INSYN2A: variants seen among roughly 807,000 people sequenced by gnomAD.
INSYN2A encodes the protein inhibitory synaptic factor 2A.
In INSYN2A, 17 loss-of-function variants were observed where a neutral mutation model predicts 39.4. The observed-to-expected ratio is 0.43, with a 90% CI of 0.30 to 0.65. The LOEUF (loss-of-function observed/expected upper bound fraction) is 0.65. INSYN2A is among the 30% of genes least tolerant of loss of function. The probability of loss-of-function intolerance (pLI) is 0.14; values close to 1 mark genes in which losing one functional copy is unlikely to be tolerated. For missense variants in INSYN2A, 595 were observed against 631.2 expected (o/e 0.94, Z 0.61); for synonymous variants, 255 against 265.7 (o/e 0.96, Z 0.39).
chr10:127,162,579 A>C (rs1484461219), intron 4 of INSYN2A, among the ~76,000 whole-genome samples: 1 of 152,160 alleles, frequency 6.6e-6, no homozygotes, highest in Non-Finnish European at 1.5e-5. Flanking sequence ...AATCACACAC[A>C]TCCCATTCCC....
chr10:127,154,252 C>G (rs1564847106), intron 4 of INSYN2A, among the ~76,000 whole-genome samples: 1 of 152,176 alleles, frequency 6.6e-6, no homozygotes, highest in Non-Finnish European at 1.5e-5. Context: ...TGAGGAAAAA[C>G]CAACCACATA....
chr10:127,194,985 C>T (rs1337752302), intron 1 of INSYN2A, among the ~76,000 whole-genome samples: 1 of 111,348 alleles, frequency 9.0e-6, no homozygotes, highest in Non-Finnish European at 1.9e-5. Flanking sequence ...GGGGTCCGGG[C>T]GGGAGCCCTG....
chr10:127,185,793 G>A (rs563861165), intron 2 of INSYN2A, among the ~76,000 whole-genome samples: 7 of 152,220 alleles, frequency 4.6e-5, no homozygotes, highest in South Asian at 2.1e-4. Context: ...AAATGTTTCC[G>A]GTGCTGATGG....
intron 2 of INSYN2A, among the ~76,000 whole-genome samples, chr10:127,181,508 G>A (rs1438273428): frequency 2.6e-5 from 4 of 152,156 alleles, no homozygotes; most frequent in African/African-American, 9.7e-5. Context: ...AGCAGTCTCC[G>A]CATATAGTAA....
At chr10:127,150,503 C>G (rs764947223) in intron 5 of INSYN2A, among the ~76,000 whole-genome samples, 1 of 152,208 alleles carries the variant, frequency 6.6e-6, no homozygotes, top group Non-Finnish European at 1.5e-5. Flanking sequence ...CCTGTCCTTT[C>G]ACGACATAAG....
chr10:127,153,734 C>A, intron 5 of INSYN2A, 118 bp downstream of exon 5: 2 of 759,448 alleles, frequency 2.6e-6, no homozygotes, highest in South Asian at 1.7e-5. Context: ...AAGTAAGGTC[C>A]TTCACTTTTT....
chr10:127,165,540 A>G (rs893597760), intron 4 of INSYN2A, among the ~76,000 whole-genome samples: 1 of 152,086 alleles, frequency 6.6e-6, no homozygotes, highest in Non-Finnish European at 1.5e-5. Flanking sequence ...CAGGATCTCA[A>G]TTTTCATGAA....
At chr10:127,184,356 T>A (rs184881082) in intron 2 of INSYN2A, among the ~76,000 whole-genome samples, 2 of 122,308 alleles carry the variant, frequency 1.6e-5, no homozygotes, top group Non-Finnish European at 3.2e-5. Context: ...CACCATGCCC[T>A]ATTCGTTTTT....
intron 5 of INSYN2A, among the ~76,000 whole-genome samples, chr10:127,140,828 G>A (rs2051169268): frequency 6.6e-6 from 1 of 152,206 alleles, no homozygotes; most frequent in Non-Finnish European, 1.5e-5. Context: ...TAGAGTAGTG[G>A]ACTTGGAGAA....
intron 4 of INSYN2A, among the ~76,000 whole-genome samples, chr10:127,158,572 T>C (rs965738118): frequency 2.0e-5 from 3 of 152,188 alleles, no homozygotes; most frequent in Admixed American, 6.5e-5. Context: ...TTAATGTTGA[T>C]GTAGCCAAGT....
intron 2 of INSYN2A, among the ~76,000 whole-genome samples, chr10:127,189,852 G>A (rs988767608): frequency 1.3e-5 from 2 of 152,164 alleles, no homozygotes; most frequent in South Asian, 2.1e-4. Context: ...TTTATGCAGC[G>A]CTGTCATTGA....
intron 1 of INSYN2A, among the ~76,000 whole-genome samples, chr10:127,195,793 C>T (rs1391092297): frequency 1.3e-5 from 2 of 152,254 alleles, no homozygotes; most frequent in East Asian, 3.9e-4. Flanking sequence ...TAACCTTGCC[C>T]CCCACCTGCG....
intron 4 of INSYN2A, among the ~76,000 whole-genome samples, chr10:127,154,297 AC>A (rs1395428639): frequency 6.6e-6 from 1 of 152,188 alleles, no homozygotes; most frequent in Non-Finnish European, 1.5e-5. Context: ...TGTTTGCTCT[AC>A]CCCACCTGTC....
rs1332683530 is a variant in INSYN2A, at chr10:127,136,768, G to A, written c.*1069C>T. The A allele has an allele frequency of 6.6e-6, 1 of 152,610 alleles. No individual in the cohort carries two copies. The allele number at this position is 152,610 out of a possible 1,614,324, so 9.5% of individuals were successfully genotyped here. A position where few individuals can be genotyped will look rare whatever the true frequency, so the allele number is the denominator to read the frequency against. The stretch of plus-strand genomic sequence containing the variant: ...CAACTTACTAATAGGTTAAATGTAG[G>A]CGACATTGTCCCTTGGTAGCAGCTA... On this transcript the variant is annotated 3_prime_UTR_variant, in exon 6 of 6. Coordinates refer to ENST00000522781, the MANE Select transcript of INSYN2A (RefSeq NM_001039762.3).
At chr10:127,195,811 C>A (rs1367183227) in intron 1 of INSYN2A, among the ~76,000 whole-genome samples, 186 bp downstream of exon 1, 1 of 152,152 alleles carries the variant, frequency 6.6e-6, no homozygotes, top group Admixed American at 6.5e-5. Context: ...GCGACCGCAC[C>A]GGGTCCGCTC....
intron 1 of INSYN2A, among the ~76,000 whole-genome samples, chr10:127,195,060 C>T (rs1446251530): frequency 6.6e-6 from 1 of 152,202 alleles, no homozygotes; most frequent in African/African-American, 2.4e-5. Context: ...CTCTCCTCCC[C>T]CACTCCTGGC....
chr10:127,188,390 G>A (rs1469907600), intron 2 of INSYN2A, among the ~76,000 whole-genome samples: 1 of 152,080 alleles, frequency 6.6e-6, no homozygotes, highest in African/African-American at 2.4e-5. Flanking sequence ...TTTTTTTTAT[G>A]TATATATATT....
chr10:127,173,831 T>C (rs912694741), intron 4 of INSYN2A, among the ~76,000 whole-genome samples: 4 of 152,188 alleles, frequency 2.6e-5, no homozygotes, highest in African/African-American at 9.7e-5. Context: ...GAACAAGGCC[T>C]TTTGGAAATG....
intron 4 of INSYN2A, among the ~76,000 whole-genome samples, chr10:127,170,189 CT>C (rs1211079635): frequency 1.3e-5 from 2 of 152,114 alleles, no homozygotes; most frequent in Non-Finnish European, 2.9e-5. Context: ...GTACTAGACT[CT>C]TTGGGTTGGT....
Sources: allele counts gnomAD v4.1 joint callset (sites outside exome capture counted in the v4.1 genomes callset), GRCh38; gene constraint gnomAD v4.1.1; transcripts MANE v1.5; gene names NCBI Gene and HGNC (gene_info 2026-07-23, HGNC 2026-07-21).